PIGN: variants seen among roughly 807,000 people sequenced by gnomAD.
PIGN encodes the protein phosphatidylinositol glycan anchor biosynthesis class N.
Under a neutral mutation model 125.4 loss-of-function variants are expected in PIGN, and 117 were observed. That is an observed-to-expected ratio of 0.93 (90% CI 0.80 to 1.09). PIGN has a LOEUF of 1.09. Ranked by LOEUF, PIGN falls within the 50% of genes least tolerant of loss-of-function variation. The pLI is 0.00. For synonymous variants in PIGN, 392 were observed against 377.8 expected, an observed-to-expected ratio of 1.04 and a Z score of -0.44; for missense variants, 1,075 against 1,094.9, an observed-to-expected ratio of 0.98 and a Z score of 0.26.
intron 19 of PIGN, among the ~76,000 whole-genome samples, chr18:62,106,567 T>C (rs1035419982): frequency 3.3e-5 from 5 of 152,130 alleles, no homozygotes; most frequent in South Asian, 4.1e-4. Flanking sequence ...ACAACTTATA[T>C]AGCATTTCAA....
At chr18:62,112,169 G>A (rs1242550591) in intron 16 of PIGN, among the ~76,000 whole-genome samples, 4 of 151,982 alleles carry the variant, frequency 2.6e-5, no homozygotes, top group Non-Finnish European at 4.4e-5. Flanking sequence ...TCCCATTCCA[G>A]CCAATTTCAC....
chr18:62,146,947 C>A (rs754495126), intron 9 of PIGN, 24 bp downstream of exon 9: 2 of 1,605,116 alleles, frequency 1.2e-6, no homozygotes, highest in African/African-American at 2.7e-5. Context: ...TTGTAAGGTA[C>A]ATATCAATTA....
At chr18:62,090,387 G>C (rs991715152) in intron 24 of PIGN, 89 bp downstream of exon 24, 28 of 705,684 alleles carry the variant, frequency 4.0e-5, no homozygotes, top group Non-Finnish European at 6.2e-5. Context: ...ATTTTAAGTA[G>C]AAAGAATTTT....
At chr18:62,057,348 AC>A (rs1336902759) in intron 30 of PIGN, among the ~76,000 whole-genome samples, 1 of 152,138 alleles carries the variant, frequency 6.6e-6, no homozygotes, top group Non-Finnish European at 1.5e-5. Flanking sequence ...TTTCCTAGTC[AC>A]TCAGTTACTC....
At chr18:62,165,433 A>G (rs1232236797) in intron 1 of PIGN, among the ~76,000 whole-genome samples, 1 of 152,220 alleles carries the variant, frequency 6.6e-6, no homozygotes, top group African/African-American at 2.4e-5. Flanking sequence ...ATGGGTAAAG[A>G]GGTAAAAAAT....
At chr18:62,120,745 A>C (rs1179913533) in intron 14 of PIGN, among the ~76,000 whole-genome samples, 1 of 152,100 alleles carries the variant, frequency 6.6e-6, no homozygotes, top group South Asian at 2.1e-4. Flanking sequence ...CTGGAAAATT[A>C]AAATAATTTA....
intron 30 of PIGN, among the ~76,000 whole-genome samples, chr18:62,061,741 C>T (rs150751092): frequency 7.9e-5 from 12 of 152,168 alleles, no homozygotes; most frequent in Middle Eastern, 3.4e-3. Flanking sequence ...ATAATATCAG[C>T]GACATGACAA....
At chr18:62,065,513 C>T (rs797020874) in intron 30 of PIGN, among the ~76,000 whole-genome samples, 4 of 151,982 alleles carry the variant, frequency 2.6e-5, no homozygotes, top group African/African-American at 4.8e-5. Flanking sequence ...CCGAGGCGGG[C>T]GGATCACGAG....
At chr18:62,021,192 T>G (rs1881811285) in intron 23 of PIGN, among the ~76,000 whole-genome samples, 1 of 152,220 alleles carries the variant, frequency 6.6e-6, no homozygotes, top group Non-Finnish European at 1.5e-5. Flanking sequence ...TACAAAGACT[T>G]ATGCATGGAT....
chr18:62,062,882 CTTTTTTTTTTTTTTTTTTT>C (rs71160811), intron 30 of PIGN, among the ~76,000 whole-genome samples: 1 of 21,068 alleles, frequency 4.7e-5, no homozygotes, highest in East Asian at 1.6e-3. Context: ...TTGTATTCTG[CTTTTTTTTTTTTTTTTTTT>C]TTTTTTTTTT....
In PIGN at chr18:62,175,704, G is replaced by A. The variant is rs372479792; in HGVS notation, c.-236+11140C>T. ...AGACTAGAATATAAGCTAGAATGAAGGCAATGACTGTGTTTCTGTTCACTC... is the reference window on the plus strand; with the variant it reads ...AGACTAGAATATAAGCTAGAATGAAAGCAATGACTGTGTTTCTGTTCACTC... On this transcript the variant is annotated intron_variant, in intron 1 of 30. Transcript: ENST00000640252. Among the ~76,000 whole-genome samples, 176 of 152,278 alleles carry A rather than the reference G, an allele frequency of 1.2e-3. No homozygotes were observed. In the Middle Eastern group the frequency reaches 0.027, roughly 24 times the overall value.
At chr18:62,097,354 C>T (rs202098353) in intron 22 of PIGN, among the ~76,000 whole-genome samples, 8,173 of 135,354 alleles carry the variant, frequency 0.06, 400 homozygotes, top group African/African-American at 0.15. Flanking sequence ...CAGAGAAATG[C>T]AAATCAAAAC....
Position 62,146,967 on chromosome 18 carries a change from T to A in PIGN, c.805+4A>T, listed in dbSNP as rs1242229943. 2.5e-6 allele frequency: 4 copies of A among 1,611,002 alleles called. No homozygotes were observed. Among genetic ancestry groups the A allele is most frequent in the Admixed American group, 1.7e-5 (1 of 59,920 alleles). On this transcript the variant is annotated splice_donor_region_variant and intron_variant, in intron 9 of 30. Transcript: ENST00000640252. Reference sequence around the variant, plus strand: ...AGGTACATATCAATTAAAGACACACTAACCCCAGTCTGTCATTCCATGGTC... The same window carrying A: ...AGGTACATATCAATTAAAGACACACAAACCCCAGTCTGTCATTCCATGGTC...
intron 30 of PIGN, among the ~76,000 whole-genome samples, chr18:62,066,675 CTG>C (rs923507117): frequency 1.3e-5 from 2 of 152,170 alleles, no homozygotes; most frequent in African/African-American, 4.8e-5. Context: ...TATGTGGACT[CTG>C]TGTAGCAATG....
chr18:62,118,708 T>C (rs1453496291), intron 14 of PIGN: 1 of 152,086 alleles, frequency 6.6e-6, no homozygotes, highest in African/African-American at 2.4e-5. Context: ...TTGTGGATTT[T>C]TTAAGAAAGA....
At chr18:62,031,360 A>C (rs1367104561) in intron 23 of PIGN, among the ~76,000 whole-genome samples, 2 of 152,228 alleles carry the variant, frequency 1.3e-5, no homozygotes, top group African/African-American at 2.4e-5. Flanking sequence ...AGAACAGACT[A>C]ATACACATAT....
chr18:62,136,886 AT>A (rs2035954112), intron 14 of PIGN: 2 of 391,476 alleles, frequency 5.1e-6, no homozygotes, highest in Non-Finnish European at 9.0e-6. Context: ...AGGAAAACAC[AT>A]CTTCCTGGAC....
At chr18:62,088,120 A>G (rs1423521216) in intron 25 of PIGN, among the ~76,000 whole-genome samples, 7 of 152,214 alleles carry the variant, frequency 4.6e-5, no homozygotes, top group Admixed American at 4.6e-4. Flanking sequence ...ACATATATCA[A>G]AACATCAAAA....
chr18:62,137,351 T>C (rs2035971481), intron 14 of PIGN: 2 of 386,736 alleles, frequency 5.2e-6, no homozygotes, highest in Non-Finnish European at 9.1e-6. Context: ...ACTGGCTTCT[T>C]TACTCCTCAT....
Sources: allele counts gnomAD v4.1 joint callset (sites outside exome capture counted in the v4.1 genomes callset), GRCh38; gene constraint gnomAD v4.1.1; transcripts MANE v1.5; gene names NCBI Gene and HGNC (gene_info 2026-07-23, HGNC 2026-07-21).